NRG1: variants seen among roughly 807,000 people sequenced by gnomAD.
NRG1 encodes pro-neuregulin-1, membrane-bound isoform.
A neutral mutation model predicts 63.8 loss-of-function variants in NRG1; 18 were observed. The observed-to-expected ratio is 0.28, with a 90% confidence interval of 0.19 to 0.42. The LOEUF (loss-of-function observed/expected upper bound fraction) is 0.42, where lower values mean the gene tolerates loss of function less well. Among genes scored for constraint, NRG1 ranks in the 10% least tolerant of loss-of-function variants. The probability of loss-of-function intolerance (pLI) is 1.00; values close to 1 mark genes in which losing one functional copy is unlikely to be tolerated. For missense variants in NRG1, 762 were observed against 814.7 expected (o/e 0.94, Z 0.79); for synonymous variants, 302 against 301.3 (o/e 1.00, Z -0.02).
chr8:32,318,631 C>T (rs1397917842), intron 1 of NRG1, among the ~76,000 whole-genome samples: 5 of 152,168 alleles, frequency 3.3e-5, no homozygotes, highest in Admixed American at 1.3e-4. Context: ...AATCCTAATA[C>T]ATTTATATAT....
chr8:32,285,678 G>T (rs1237987471), intron 1 of NRG1, among the ~76,000 whole-genome samples: 1 of 152,160 alleles, frequency 6.6e-6, no homozygotes, highest in Non-Finnish European at 1.5e-5. Flanking sequence ...TGTTTCATGT[G>T]TGTTCTTGAG....
intron 1 of NRG1, among the ~76,000 whole-genome samples, chr8:31,776,159 A>G (rs1416213760): frequency 6.6e-6 from 1 of 152,226 alleles, no homozygotes; most frequent in Non-Finnish European, 1.5e-5. Context: ...TGACAGGTTG[A>G]TGTGGAACTC....
intron 1 of NRG1, among the ~76,000 whole-genome samples, chr8:32,088,620 C>A (rs1293021246): frequency 6.6e-6 from 1 of 151,298 alleles, no homozygotes; most frequent in Non-Finnish European, 1.5e-5. Flanking sequence ...TGGGTTCAAG[C>A]GATTTTTCTG....
At chr8:31,768,628 A>G (rs1818311175) in intron 1 of NRG1, among the ~76,000 whole-genome samples, 1 of 152,148 alleles carries the variant, frequency 6.6e-6, no homozygotes. Context: ...CATACTAACC[A>G]TAGTTTCTCA....
chr8:31,926,153 T>G lies in NRG1; in HGVS notation c.37+286722T>G, dbSNP rs539986543. 1.1e-3 allele frequency among the ~76,000 whole-genome samples: 161 copies of G among 152,328 alleles called. 2 individuals are homozygous for G. Among genetic ancestry groups the G allele is most frequent in the Admixed American group, 5.8e-3 (89 of 15,302 alleles). On this transcript the variant is annotated intron_variant, in intron 1 of 10. Coordinates refer to the NRG1 transcript ENST00000519301. Reference sequence around the variant, plus strand: ...GAAAGTGAGACGATTCAAGGTTTTATTCCTGTCATTCTGACAGCTTGTTAT... The same window carrying G: ...GAAAGTGAGACGATTCAAGGTTTTAGTCCTGTCATTCTGACAGCTTGTTAT...
At position 31,726,519 on chromosome 8, in the gene NRG1, G is replaced by A. The variant is rs1036332732; in HGVS notation, c.37+87088G>A. Among the ~76,000 whole-genome samples, 3 of 152,202 alleles carry A rather than the reference G, an allele frequency of 2.0e-5. No individual in the cohort carries two copies. The South Asian group carries it at 6.2e-4, about 32-fold the overall frequency. The stretch of plus-strand genomic sequence containing the variant: ...TTTTATTAGATCTAGAATGAGGTCT[G>A]GGAATGTATATTTTTATAAAGCTCC... On this transcript the variant is annotated intron_variant, in intron 1 of 10. Transcript: ENST00000519301.
At chr8:32,497,464 A>C (rs918536054) in intron 1 of NRG1, among the ~76,000 whole-genome samples, 9 of 144,608 alleles carry the variant, frequency 6.2e-5, no homozygotes, top group Admixed American at 5.5e-4. Context: ...AAAAAAAAAA[A>C]GGAAAATCTC....
At chr8:31,729,650 C>A (rs916260150) in intron 1 of NRG1, among the ~76,000 whole-genome samples, 5 of 152,052 alleles carry the variant, frequency 3.3e-5, no homozygotes, top group African/African-American at 2.4e-5. Context: ...TTTACTTATG[C>A]CCCATCTTTT....
chr8:32,306,412 A>C (rs1242694556), intron 1 of NRG1, among the ~76,000 whole-genome samples: 1 of 152,344 alleles, frequency 6.6e-6, no homozygotes, highest in East Asian at 1.9e-4. Context: ...GAAACTCCCA[A>C]GTTAATTAAA....
chr8:32,022,034 A>C (rs927031751), intron 1 of NRG1, among the ~76,000 whole-genome samples: 5 of 152,114 alleles, frequency 3.3e-5, no homozygotes, highest in Non-Finnish European at 5.9e-5. Context: ...CACTTTTATA[A>C]GTGAAACTTT....
intron 1 of NRG1, among the ~76,000 whole-genome samples, chr8:31,824,012 C>CT (rs199692463): frequency 0.016 from 2,408 of 151,344 alleles, 68 homozygotes; most frequent in African/African-American, 0.056. Context: ...TCTTCTATTT[C>CT]TTTTTTTTTA....
intron 7 of NRG1, among the ~76,000 whole-genome samples, chr8:32,745,236 T>G (rs548236368): frequency 2.0e-5 from 3 of 152,302 alleles, no homozygotes; most frequent in Admixed American, 6.5e-5. Context: ...AGTGACCGTT[T>G]TAAAATTTAA....
At chr8:32,099,754 T>C (rs1021555043) in intron 1 of NRG1, 4 of 152,274 alleles carry the variant, frequency 2.6e-5, no homozygotes, top group African/African-American at 9.6e-5. Context: ...CAAGGTTTGC[T>C]TGGCTTATTT....
At chr8:32,192,902 C>A (rs1424241955) in intron 1 of NRG1, among the ~76,000 whole-genome samples, 1 of 152,032 alleles carries the variant, frequency 6.6e-6, no homozygotes, top group African/African-American at 2.4e-5. Context: ...AATACACCTA[C>A]CTTACTCTAT....
At chr8:32,548,493 G>A (rs1468864151) in exon 1 of NRG1, 2 of 1,214,000 alleles carry the variant, frequency 1.6e-6, no homozygotes, top group South Asian at 3.5e-5. Flanking sequence ...GGGGCGACAG[G>A]AGCAGCCCCG....
At chr8:31,842,732 C>T (rs1044986964) in intron 1 of NRG1, among the ~76,000 whole-genome samples, 1 of 152,150 alleles carries the variant, frequency 6.6e-6, no homozygotes, top group African/African-American at 2.4e-5. Context: ...GTGTAATAAA[C>T]TCTTAATAGA....
At chr8:32,747,626 A>T (rs1437346521) in intron 7 of NRG1, among the ~76,000 whole-genome samples, 1 of 151,702 alleles carries the variant, frequency 6.6e-6, no homozygotes, top group African/African-American at 2.4e-5. Flanking sequence ...TTGCTTGTGT[A>T]CACTGGACCC....
At chr8:32,617,090 G>T (rs1847506738) in intron 5 of NRG1, among the ~76,000 whole-genome samples, 1 of 152,086 alleles carries the variant, frequency 6.6e-6, no homozygotes, top group Non-Finnish European at 1.5e-5. Flanking sequence ...ATATACATAA[G>T]AATATTAAAA....
intron 1 of NRG1, among the ~76,000 whole-genome samples, chr8:31,807,296 A>G (rs1822381254): frequency 6.6e-6 from 1 of 152,168 alleles, no homozygotes; most frequent in Admixed American, 6.5e-5. Flanking sequence ...CCCTTATATG[A>G]ATAATATGAG....
Sources: gnomAD v4.1 joint callset for allele counts (sites outside exome capture counted in the v4.1 genomes callset) on GRCh38, gnomAD v4.1.1 for gene constraint, MANE v1.5 for transcripts, NCBI Gene and HGNC (gene_info 2026-07-23, HGNC 2026-07-21) for gene names.